The following DPYD variants were observed in gnomAD, a reference collection of about 807,000 sequenced individuals.
DPYD encodes dihydropyrimidine dehydrogenase.
DPYD carries 109 observed loss-of-function variants against 116.2 expected under a neutral mutation model. The ratio of observed to expected loss-of-function variants is 0.94; its 90% CI spans 0.80 to 1.10. The LOEUF (loss-of-function observed/expected upper bound fraction) is 1.10, where lower values mean the gene tolerates loss of function less well. DPYD is among the 50% of genes least tolerant of loss of function. The probability of loss-of-function intolerance (pLI) is 0.00; values close to 1 mark genes in which losing one functional copy is unlikely to be tolerated. For missense variants in DPYD, 1,302 were observed against 1,254.5 expected (o/e 1.04, Z -0.57); for synonymous variants, 440 against 432.0 (o/e 1.02, Z -0.23).
chr1:97,908,254 C>T lies in DPYD; in HGVS notation c.39+12630G>A, dbSNP rs554543883. 7.9e-5 allele frequency among the ~76,000 whole-genome samples: 12 copies of T among 151,920 alleles called. 1 individual carries two copies. The highest frequency in any genetic ancestry group is 1.6e-4 in the Non-Finnish European group (11 of 67,970). ...AGAGATGGGGTTTTGCCCTATTGCC[C>T]GGGCTGGTCTTGAACTCCTGAGTTC... On this transcript the variant is annotated intron_variant, in intron 1 of 22. Transcript: ENST00000370192.
chr1:97,566,296 A>C (rs1652515299), intron 11 of DPYD, among the ~76,000 whole-genome samples: 1 of 152,192 alleles, frequency 6.6e-6, no homozygotes, highest in Non-Finnish European at 1.5e-5. Context: ...ATCTTTAAAA[A>C]GAGTCTGCAC....
intron 5 of DPYD, among the ~76,000 whole-genome samples, chr1:97,714,980 T>C (rs1037865233): frequency 5.9e-5 from 9 of 152,174 alleles, no homozygotes; most frequent in African/African-American, 2.2e-4. Context: ...ATTAATTTCC[T>C]GGAGTTTCCT....
chr1:97,544,732 C>T (rs997569689), intron 12 of DPYD, among the ~76,000 whole-genome samples: 4 of 149,584 alleles, frequency 2.7e-5, no homozygotes, highest in Admixed American at 2.0e-4. Context: ...CACCAAACTA[C>T]AATCATAAAT....
chr1:97,096,966 T>G (rs1253901271), intron 21 of DPYD, among the ~76,000 whole-genome samples: 1 of 152,140 alleles, frequency 6.6e-6, no homozygotes, highest in Non-Finnish European at 1.5e-5. Flanking sequence ...CATGAACCCC[T>G]GGGCAGGAAC....
At chr1:97,772,931 T>A (rs1357811675) in intron 3 of DPYD, among the ~76,000 whole-genome samples, 1 of 152,250 alleles carries the variant, frequency 6.6e-6, no homozygotes, top group African/African-American at 2.4e-5. Context: ...TCTATACAGA[T>A]GATTTTCCAT....
intron 8 of DPYD, among the ~76,000 whole-genome samples, chr1:97,678,299 T>C (rs567271183): frequency 1.5e-4 from 23 of 152,328 alleles, no homozygotes; most frequent in Middle Eastern, 3.4e-3. Context: ...CAGGCAGTAA[T>C]GCTCGCTTGC....
At chr1:97,683,048 C>A (rs904543207) in intron 7 of DPYD, among the ~76,000 whole-genome samples, 5 of 151,866 alleles carry the variant, frequency 3.3e-5, no homozygotes, top group Non-Finnish European at 7.4e-5. Context: ...AGGCTGACAA[C>A]TTTTTTGTGG....
chr1:97,238,643 T>C (rs1199995261), intron 18 of DPYD, among the ~76,000 whole-genome samples: 1 of 152,178 alleles, frequency 6.6e-6, no homozygotes, highest in South Asian at 2.1e-4. Flanking sequence ...ATTACAATTA[T>C]CGAGATAAAG....
At chr1:97,605,177 T>C (rs1022779065) in intron 8 of DPYD, among the ~76,000 whole-genome samples, 4 of 152,110 alleles carry the variant, frequency 2.6e-5, no homozygotes, top group African/African-American at 9.7e-5. Context: ...GTTGTAAGAA[T>C]ATTGGGTCCA....
chr1:97,819,167 G>A (rs1668787547), intron 3 of DPYD, among the ~76,000 whole-genome samples: 1 of 151,904 alleles, frequency 6.6e-6, no homozygotes, highest in Non-Finnish European at 1.5e-5. Context: ...GTGTTTTTCT[G>A]TAATAGAAAT....
chr1:97,638,936 G>T (rs1657724532), intron 8 of DPYD, among the ~76,000 whole-genome samples: 1 of 152,088 alleles, frequency 6.6e-6, no homozygotes. Context: ...ATAAGATTTG[G>T]ATGGGATAAA....
chr1:97,801,657 G>C (rs907470833), intron 3 of DPYD, among the ~76,000 whole-genome samples: 3 of 151,896 alleles, frequency 2.0e-5, no homozygotes, highest in African/African-American at 7.2e-5. Flanking sequence ...TGAAGGATGA[G>C]AGGAAGTATC....
Position 97,691,909 on chromosome 1 carries a change from C to T in DPYD, c.681-111G>A. Reference sequence around the variant, plus strand: ...ATGGATTAGTAGAAAATAAATATCTCTTCCAAGGATATTTATATATCACAC... The same window carrying T: ...ATGGATTAGTAGAAAATAAATATCTTTTCCAAGGATATTTATATATCACAC... On this transcript the variant is annotated intron_variant, in intron 6 of 22. Coordinates refer to ENST00000370192, the MANE Select transcript of DPYD (RefSeq NM_000110.4). 3 of 806,770 alleles carry T rather than the reference C, an allele frequency of 3.7e-6. No individual in the cohort carries two copies. In the South Asian group the frequency reaches 4.3e-5, roughly 11 times the overall value. 50.0% of individuals were successfully genotyped at this position (806,770 alleles called of 1,614,324 possible). A position where few individuals can be genotyped will look rare whatever the true frequency, so the allele number is the denominator to read the frequency against.
intron 14 of DPYD, among the ~76,000 whole-genome samples, chr1:97,387,477 A>T (rs949432291): frequency 6.6e-6 from 1 of 152,094 alleles, no homozygotes; most frequent in Non-Finnish European, 1.5e-5. Context: ...AAATGTCATA[A>T]TGAGTTAAAA....
At chr1:97,543,490 G>A (rs1650603520) in intron 12 of DPYD, among the ~76,000 whole-genome samples, 1 of 152,044 alleles carries the variant, frequency 6.6e-6, no homozygotes. Context: ...ACACCCAATT[G>A]CATGCATTAA....
intron 20 of DPYD, among the ~76,000 whole-genome samples, chr1:97,182,048 T>C (rs1657684021): frequency 6.6e-6 from 1 of 152,152 alleles, no homozygotes; most frequent in Non-Finnish European, 1.5e-5. Context: ...CATGCCTGGA[T>C]TTAAACTCAG....
At chr1:97,799,278 C>T (rs189487149) in intron 3 of DPYD, among the ~76,000 whole-genome samples, 56 of 151,968 alleles carry the variant, frequency 3.7e-4, no homozygotes, top group African/African-American at 1.3e-3. Context: ...AGTCACATTA[C>T]ATCAAGTAAA....
At chr1:97,491,705 A>C (rs1277147745) in intron 13 of DPYD, among the ~76,000 whole-genome samples, 1 of 152,136 alleles carries the variant, frequency 6.6e-6, no homozygotes, top group Non-Finnish European at 1.5e-5. Context: ...CAATATGAAA[A>C]TATTTAAAAC....
chr1:97,497,361 T>C (rs1222541355), intron 13 of DPYD, among the ~76,000 whole-genome samples: 1 of 151,940 alleles, frequency 6.6e-6, no homozygotes, highest in Non-Finnish European at 1.5e-5. Context: ...TAGCTATTCT[T>C]TGGAAGTTGC....
Sources: allele counts gnomAD v4.1 joint callset (sites outside exome capture counted in the v4.1 genomes callset), GRCh38; gene constraint gnomAD v4.1.1; transcripts MANE v1.5; gene names NCBI Gene and HGNC (gene_info 2026-07-23, HGNC 2026-07-21).